The following RYR3 variants were observed in gnomAD, a reference collection of about 807,000 sequenced individuals.
RYR3 encodes brain ryanodine receptor-calcium release channel.
RYR3 carries 207 observed loss-of-function variants against 584.3 expected under a neutral mutation model. That is an observed-to-expected ratio of 0.35 (90% CI 0.32 to 0.40). The LOEUF (loss-of-function observed/expected upper bound fraction) is 0.40, where lower values mean the gene tolerates loss of function less well. RYR3 is among the 10% of genes least tolerant of loss of function. The probability of loss-of-function intolerance (pLI) is 1.00; values close to 1 mark genes in which losing one functional copy is unlikely to be tolerated. For synonymous variants in RYR3, 2,416 were observed against 2,248.5 expected (o/e 1.07, Z -2.11); for missense variants, 5,616 against 6,089.2 (o/e 0.92, Z 2.59).
intron 38 of RYR3, among the ~76,000 whole-genome samples, chr15:33,691,521 T>C (rs927885653): frequency 3.3e-5 from 5 of 152,174 alleles, no homozygotes; most frequent in Admixed American, 2.0e-4. Context: ...TTCATTTTTT[T>C]CATTTCATTT....
intron 43 of RYR3, among the ~76,000 whole-genome samples, chr15:33,708,059 T>A (rs963115847): frequency 1.2e-4 from 18 of 152,192 alleles, no homozygotes; most frequent in African/African-American, 4.1e-4. Flanking sequence ...CTCTCTCTGC[T>A]TCTCTCTGCG....
intron 81 of RYR3, among the ~76,000 whole-genome samples, chr15:33,824,293 A>ATTC (rs2077263129): frequency 1.3e-5 from 2 of 152,234 alleles, no homozygotes; most frequent in African/African-American, 4.8e-5. Flanking sequence ...GTTCTAACAG[A>ATTC]AGTTTTAAGA....
intron 67 of RYR3, among the ~76,000 whole-genome samples, chr15:33,799,926 T>G (rs1016635282): frequency 1.0e-5 from 1 of 99,098 alleles, no homozygotes; most frequent in Non-Finnish European, 2.0e-5. Flanking sequence ...AGAGAAACAG[T>G]GGGGGTTTTT....
chr15:33,584,531 GTT>G (rs143908984), intron 15 of RYR3, 41 bp downstream of exon 15: 2 of 782,836 alleles, frequency 2.6e-6, no homozygotes, highest in Non-Finnish European at 4.0e-6. Flanking sequence ...AAGATGAAGG[GTT>G]TTTTTTTTCT....
At chr15:33,554,258 G>C (rs2056903388) in intron 10 of RYR3, among the ~76,000 whole-genome samples, 1 of 151,372 alleles carries the variant, frequency 6.6e-6, no homozygotes, top group African/African-American at 2.4e-5. Flanking sequence ...CCTTGAAATA[G>C]AGTGAAATCC....
intron 64 of RYR3, among the ~76,000 whole-genome samples, chr15:33,775,029 C>G (rs1439349193): frequency 1.3e-5 from 2 of 149,816 alleles, no homozygotes; most frequent in Non-Finnish European, 3.0e-5. Flanking sequence ...GCATTCTTCT[C>G]TTGAAAAAAA....
At chr15:33,609,220 G>A (rs138791142) in intron 18 of RYR3, among the ~76,000 whole-genome samples, 1 of 152,352 alleles carries the variant, frequency 6.6e-6, no homozygotes, top group African/African-American at 2.4e-5. Flanking sequence ...CAATTGTCCA[G>A]TGTAGCATTT....
intron 14 of RYR3, 101 bp downstream of exon 14, chr15:33,581,744 T>C: frequency 9.8e-7 from 1 of 1,025,338 alleles, no homozygotes; most frequent in African/African-American, 1.6e-5. Context: ...CTGTGATACT[T>C]GGACTGCCTC....
chr15:33,755,761 G>A (rs1285510042), intron 58 of RYR3, among the ~76,000 whole-genome samples: 3 of 152,044 alleles, frequency 2.0e-5, no homozygotes, highest in Non-Finnish European at 2.9e-5. Context: ...CAACCTCTCT[G>A]AAACTGCTTT....
At chr15:33,608,504 C>T (rs8034012) in intron 18 of RYR3, among the ~76,000 whole-genome samples, 82,758 of 152,136 alleles carry the variant, frequency 0.54, 24,604 homozygotes, top group Non-Finnish European at 0.66. Flanking sequence ...ATACTACTCA[C>T]ATTTTAAAGT....
At chr15:33,766,291 A>G (rs1024970510) in intron 60 of RYR3, among the ~76,000 whole-genome samples, 2 of 150,130 alleles carry the variant, frequency 1.3e-5, no homozygotes, top group Non-Finnish European at 3.0e-5. Flanking sequence ...TCAAAAAGAA[A>G]AAAAAAAAAA....
At chr15:33,844,807 C>T in intron 92 of RYR3, 55 bp from the exon 93 acceptor site, 1 of 1,464,444 alleles carries the variant, frequency 6.8e-7, no homozygotes, top group South Asian at 1.2e-5. Context: ...TGGGGAGAGC[C>T]CAATGGCTGA....
At chr15:33,575,740 CA>C (rs1012453777) in intron 12 of RYR3, among the ~76,000 whole-genome samples, 30 of 151,210 alleles carry the variant, frequency 2.0e-4, no homozygotes, top group African/African-American at 6.3e-4. Context: ...CAAAAGCTAG[CA>C]AAAGACAAGA....
chr15:33,533,484 C>A, intron 5 of RYR3, 95 bp downstream of exon 5: 1 of 758,966 alleles, frequency 1.3e-6, no homozygotes, highest in Non-Finnish European at 2.2e-6. Context: ...ATTTGGGATT[C>A]CAAACCAACC....
intron 1 of RYR3, among the ~76,000 whole-genome samples, chr15:33,435,313 T>C (rs1287862785): frequency 6.6e-6 from 1 of 151,030 alleles, no homozygotes; most frequent in Non-Finnish European, 1.5e-5. Flanking sequence ...TCTGTATTTT[T>C]CTGGAACTAC....
chr15:33,385,223 T>C (rs1439748864), intron 1 of RYR3, among the ~76,000 whole-genome samples: 2 of 150,628 alleles, frequency 1.3e-5, no homozygotes, highest in Non-Finnish European at 1.5e-5. Flanking sequence ...AAGTGTTTAT[T>C]GATTACTTCT....
At chr15:33,513,004 C>T (rs947595595) in intron 3 of RYR3, among the ~76,000 whole-genome samples, 2 of 152,156 alleles carry the variant, frequency 1.3e-5, no homozygotes, top group Non-Finnish European at 2.9e-5. Context: ...AAATGAATTT[C>T]AGCTGCGTTT....
At chr15:33,598,167 C>T (rs2059467748) in intron 16 of RYR3, among the ~76,000 whole-genome samples, 1 of 109,802 alleles carries the variant, frequency 9.1e-6, no homozygotes. Context: ...GCCTCTGCTG[C>T]AATAACTATT....
intron 30 of RYR3, among the ~76,000 whole-genome samples, chr15:33,648,320 TC>T (rs1566868587): frequency 6.6e-6 from 1 of 152,238 alleles, no homozygotes; most frequent in Non-Finnish European, 1.5e-5. Context: ...GACCCTTTTT[TC>T]TTCCAGTCAA....
Sources: allele counts gnomAD v4.1 joint callset (sites outside exome capture counted in the v4.1 genomes callset), GRCh38; gene constraint gnomAD v4.1.1; transcripts MANE v1.5; gene names NCBI Gene and HGNC (gene_info 2026-07-23, HGNC 2026-07-21).